The following SGK3 variants were observed in gnomAD, a reference collection of about 807,000 sequenced individuals.
The protein encoded by SGK3 is serine/threonine-protein kinase Sgk3.
In SGK3, 47 loss-of-function variants were observed where a neutral mutation model predicts 68.5. The ratio of observed to expected loss-of-function variants is 0.69; its 90% CI spans 0.54 to 0.87. SGK3 has a LOEUF of 0.87. SGK3 is among the 40% of genes least tolerant of loss of function. The pLI is 0.00. For missense variants in SGK3, 479 were observed against 575.5 expected (o/e 0.83, Z 1.72); for synonymous variants, 181 against 189.1 (o/e 0.96, Z 0.35).
At chr8:66,758,636 A>C (rs1457322838) in intron 1 of SGK3, among the ~76,000 whole-genome samples, 2 of 152,178 alleles carry the variant, frequency 1.3e-5, no homozygotes. Context: ...ATCTTGGCTA[A>C]GTAGTAGCTT....
At position 66,840,057 on chromosome 8, in the gene SGK3, T is replaced by A; in HGVS notation, c.796T>A (p.Tyr266Asn). The A allele has an allele frequency of 1.2e-6, 2 of 1,614,110 alleles. No individual in the cohort carries two copies. The highest frequency in any genetic ancestry group is 1.7e-6 in the Non-Finnish European group (2 of 1,179,984). The stretch of plus-strand genomic sequence containing the variant: ...CTTTCCTGAGCACAGAGCTAGGTTT[T>A]ACGCTGCTGAAATTGCTAGTGCATT... ...RSFPEHRARF[Y>N]AAEIASALGY... The change falls in exon 11 of 17, where the codon TAC becomes AAC. Residue 266 changes from tyrosine to asparagine, a missense_variant. By Grantham distance (143) the Tyr-to-Asn change is moderately radical. This residue lies in a region of SGK3 where 298 missense variants were observed against 329.4 expected (regional missense o/e 0.90). Coordinates refer to ENST00000521198, the MANE Select transcript of SGK3 (RefSeq NM_001033578.3).
intron 1 of SGK3, among the ~76,000 whole-genome samples, chr8:66,773,137 T>C (rs1480285568): frequency 6.6e-6 from 1 of 152,154 alleles, no homozygotes; most frequent in Non-Finnish European, 1.5e-5. Flanking sequence ...TAGTTGTAAG[T>C]TGTGGATTCT....
intron 1 of SGK3, among the ~76,000 whole-genome samples, chr8:66,793,388 G>A (rs567414727): frequency 9.9e-4 from 151 of 152,312 alleles, no homozygotes; most frequent in African/African-American, 3.4e-3. Flanking sequence ...GAACTGAGGT[G>A]TGTAAGTTCC....
At chr8:66,798,718 C>T (rs1807805301) in intron 3 of SGK3, 93 bp downstream of exon 3, 1 of 1,076,524 alleles carries the variant, frequency 9.3e-7, no homozygotes, top group Admixed American at 2.3e-5. Context: ...AATTGATACT[C>T]ATATGTTAAT....
At chr8:66,834,067 T>C (rs1809409863) in intron 8 of SGK3, among the ~76,000 whole-genome samples, 1 of 152,214 alleles carries the variant, frequency 6.6e-6, no homozygotes, top group Non-Finnish European at 1.5e-5. Context: ...TATGACACAT[T>C]GGTTCTACTC....
chr8:66,817,005 AT>A (rs1239250303), intron 5 of SGK3, among the ~76,000 whole-genome samples: 5 of 151,634 alleles, frequency 3.3e-5, no homozygotes, highest in Non-Finnish European at 7.4e-5. Context: ...TAATTTTTGT[AT>A]TTTTAGTAGA....
At chr8:66,717,546 A>C (rs1804673353) in intron 1 of SGK3, among the ~76,000 whole-genome samples, 1 of 152,154 alleles carries the variant, frequency 6.6e-6, no homozygotes, top group African/African-American at 2.4e-5. Context: ...AGAAAAGAAA[A>C]CTGGATTTCA....
At chr8:66,857,661 G>A (rs1178761711) in intron 16 of SGK3, among the ~76,000 whole-genome samples, 3 of 152,000 alleles carry the variant, frequency 2.0e-5, no homozygotes, top group Non-Finnish European at 4.4e-5. Context: ...CATGCCTGTG[G>A]TCCCAGCTAC....
At chr8:66,858,391 G>A (rs1024136508) in intron 16 of SGK3, among the ~76,000 whole-genome samples, 1 of 151,826 alleles carries the variant, frequency 6.6e-6, no homozygotes, top group Non-Finnish European at 1.5e-5. Flanking sequence ...GCGTGAACCC[G>A]GGAGGCGGAG....
At chr8:66,818,606 G>A (rs1481142945) in intron 5 of SGK3, among the ~76,000 whole-genome samples, 2 of 152,108 alleles carry the variant, frequency 1.3e-5, no homozygotes, top group African/African-American at 2.4e-5. Context: ...GTAACTACCA[G>A]CCTGACTTTT....
At chr8:66,766,061 C>G (rs1443991914) in intron 1 of SGK3, among the ~76,000 whole-genome samples, 1 of 151,078 alleles carries the variant, frequency 6.6e-6, no homozygotes, top group Admixed American at 6.6e-5. Flanking sequence ...AAATGTCTTG[C>G]TGTTATTGAT....
chr8:66,818,206 G>A (rs761604844), intron 5 of SGK3, among the ~76,000 whole-genome samples: 24 of 152,066 alleles, frequency 1.6e-4, no homozygotes, highest in Non-Finnish European at 2.5e-4. Flanking sequence ...TATAGAAAAA[G>A]CTTTCCATGA....
At chr8:66,738,920 G>GCGC (rs1222064999) in intron 1 of SGK3, among the ~76,000 whole-genome samples, 1 of 152,128 alleles carries the variant, frequency 6.6e-6, no homozygotes, top group Non-Finnish European at 1.5e-5. Flanking sequence ...GTGAGTCACT[G>GCGC]CGCCCAGCCT....
At position 66,802,935 on chromosome 8, in the gene SGK3, T is replaced by C. The variant is rs184261048; in HGVS notation, c.181-1440T>C. Among the ~76,000 whole-genome samples, 612 of 152,274 alleles carry C rather than the reference T, an allele frequency of 4.0e-3. 7 individuals are homozygous for C. The highest frequency in any genetic ancestry group is 0.015 in the East Asian group (77 of 5,184). On this transcript the variant is annotated intron_variant, in intron 3 of 16. Coordinates refer to ENST00000521198, the MANE Select transcript of SGK3 (RefSeq NM_001033578.3). ...GCCCACCATAATTTTGACACAAATT[T>C]CAGACATCATATCGTTTCATCTGTA...
chr8:66,728,527 A>C (rs1043755139), intron 1 of SGK3, among the ~76,000 whole-genome samples: 2 of 152,046 alleles, frequency 1.3e-5, no homozygotes, highest in African/African-American at 4.8e-5. Context: ...GGGTTTCACC[A>C]TGTTGGCCAG....
At chr8:66,761,540 G>A (rs991298722) in intron 1 of SGK3, among the ~76,000 whole-genome samples, 17 of 152,088 alleles carry the variant, frequency 1.1e-4, no homozygotes, top group African/African-American at 3.4e-4. Flanking sequence ...AGGCTGAGGC[G>A]GTCAGATCAC....
intron 1 of SGK3, among the ~76,000 whole-genome samples, chr8:66,714,271 A>G (rs1804572902): frequency 6.6e-6 from 1 of 152,198 alleles, no homozygotes. Flanking sequence ...TTTTACTGCT[A>G]TTTGCTCTTG....
chr8:66,839,729 G>A, intron 10 of SGK3: 1 of 304,354 alleles, frequency 3.3e-6, no homozygotes. Context: ...TTGCCTGGAA[G>A]GGTGAGGACA....
intron 3 of SGK3, among the ~76,000 whole-genome samples, chr8:66,800,360 G>C (rs550487174): frequency 7.5e-4 from 111 of 148,448 alleles, no homozygotes; most frequent in Middle Eastern, 3.6e-3. Context: ...AAAGTGGCGG[G>C]GGGGGAGTTT....
Sources: gnomAD v4.1 joint callset for allele counts (sites outside exome capture counted in the v4.1 genomes callset) on GRCh38, gnomAD v4.1.1 for gene constraint, gnomAD v4.1.1 regional missense constraint, MANE v1.5 for transcripts, NCBI Gene and HGNC (gene_info 2026-07-23, HGNC 2026-07-21) for gene names.